Variants in GABRG3 observed in about 807,000 individuals in gnomAD.
GABRG3 encodes gamma-aminobutyric acid receptor subunit gamma-3.
In GABRG3, 25 loss-of-function variants were observed where a neutral mutation model predicts 48.8. The observed-to-expected ratio is 0.51, with a 90% CI of 0.37 to 0.72. The LOEUF is 0.72. GABRG3 is among the 30% of genes least tolerant of loss of function. GABRG3 has a pLI of 0.00. For missense variants in GABRG3, 394 were observed against 577.9 expected (o/e 0.68, Z 3.26); for synonymous variants, 227 against 217.6 (o/e 1.04, Z -0.38).
chr15:27,300,418 C>T (rs1406853446), intron 3 of GABRG3, among the ~76,000 whole-genome samples: 1 of 152,048 alleles, frequency 6.6e-6, no homozygotes, highest in Admixed American at 6.6e-5. Flanking sequence ...AATCCCAGAA[C>T]TTTGGGAAGC....
intron 3 of GABRG3, among the ~76,000 whole-genome samples, chr15:27,267,019 C>A (rs1215357225): frequency 6.6e-6 from 1 of 151,544 alleles, no homozygotes; most frequent in East Asian, 1.9e-4. Context: ...TTGGCTAGAA[C>A]CTTCAATATA....
chr15:27,006,624 C>T (rs915244772), intron 2 of GABRG3, among the ~76,000 whole-genome samples: 4 of 152,072 alleles, frequency 2.6e-5, no homozygotes, highest in South Asian at 2.1e-4. Flanking sequence ...GCATAGTAAC[C>T]GATAGGTAGT....
chr15:26,988,895 T>G (rs1385938865), intron 2 of GABRG3, among the ~76,000 whole-genome samples: 1 of 152,184 alleles, frequency 6.6e-6, no homozygotes, highest in Admixed American at 6.5e-5. Flanking sequence ...ATTTTGCCTG[T>G]GTGAAAACAT....
rs1224170527 is a variant in GABRG3, at chr15:27,533,825, A to T, written c.*944A>T. ...ACCGGAATGTGAAAGACATGTAGAT[A>T]AAATTTTATTTTTATTTTATTTTTT... On this transcript the variant is annotated 3_prime_UTR_variant, in exon 10 of 10. Transcript: ENST00000615808. 3.3e-5 allele frequency: 5 copies of T among 152,122 alleles called. No homozygotes were observed. Among genetic ancestry groups the T allele is most frequent in the African/African-American group, 9.7e-5 (4 of 41,432 alleles). 9.4% of individuals were successfully genotyped at this position (152,122 alleles called of 1,614,324 possible).
intron 6 of GABRG3, among the ~76,000 whole-genome samples, chr15:27,510,515 C>T (rs1221106811): frequency 6.6e-6 from 1 of 152,208 alleles, no homozygotes; most frequent in Non-Finnish European, 1.5e-5. Flanking sequence ...GGAGTTCTCA[C>T]AATGAGTTCT....
intron 5 of GABRG3, chr15:27,350,025 T>C: frequency 4.5e-6 from 2 of 447,082 alleles, no homozygotes; most frequent in South Asian, 3.1e-5. Context: ...GCCAAAAGAT[T>C]ACCAGGTTAG....
chr15:27,399,863 C>T lies in GABRG3; in HGVS notation c.574+70975C>T, dbSNP rs1453228138. Among the ~76,000 whole-genome samples, 14 of 152,226 alleles carry T rather than the reference C, an allele frequency of 9.2e-5. No individual in the cohort carries two copies. The South Asian group carries it at 2.7e-3, about 29-fold the overall frequency. ...GGCGTTGAATCAGAAGTTAAATACC[C>T]GCATTTTACTAAGATGCTCTTTCGA... On this transcript the variant is annotated intron_variant, in intron 5 of 9. Coordinates refer to ENST00000615808, the MANE Select transcript of GABRG3 (RefSeq NM_033223.5).
At chr15:27,274,870 AT>A (rs1357024359) in intron 3 of GABRG3, among the ~76,000 whole-genome samples, 1 of 152,242 alleles carries the variant, frequency 6.6e-6, no homozygotes, top group Non-Finnish European at 1.5e-5. Context: ...TAAAAAATAA[AT>A]TAGTCTTAAG....
At chr15:27,132,988 T>TA (rs913348415) in intron 3 of GABRG3, among the ~76,000 whole-genome samples, 4 of 151,262 alleles carry the variant, frequency 2.6e-5, no homozygotes, top group African/African-American at 7.2e-5. Flanking sequence ...TAATTTTTTT[T>TA]ATGTGGTCTT....
At chr15:27,028,469 C>T (rs1288406255) in intron 3 of GABRG3, among the ~76,000 whole-genome samples, 1 of 152,100 alleles carries the variant, frequency 6.6e-6, no homozygotes, top group Non-Finnish European at 1.5e-5. Context: ...ACTGTGAAAA[C>T]CTTTTCCCAT....
intron 2 of GABRG3, among the ~76,000 whole-genome samples, chr15:27,004,131 C>G (rs914270006): frequency 3.6e-4 from 53 of 149,138 alleles, no homozygotes; most frequent in African/African-American, 1.3e-3. Flanking sequence ...GGGGGCTGAC[C>G]CCCCCACCTC....
chr15:27,470,015 T>C (rs1889736538), intron 5 of GABRG3, among the ~76,000 whole-genome samples: 1 of 152,202 alleles, frequency 6.6e-6, no homozygotes, highest in Non-Finnish European at 1.5e-5. Context: ...TCTAATTATA[T>C]CATTCCTCCT....
chr15:27,337,808 A>T (rs951773196), intron 5 of GABRG3, among the ~76,000 whole-genome samples: 12 of 152,230 alleles, frequency 7.9e-5, no homozygotes, highest in African/African-American at 2.4e-4. Context: ...CTATGCAAAT[A>T]TGCATGTATT....
At chr15:27,222,868 C>T (rs889000345) in intron 3 of GABRG3, among the ~76,000 whole-genome samples, 16 of 152,208 alleles carry the variant, frequency 1.1e-4, no homozygotes, top group African/African-American at 3.9e-4. Flanking sequence ...ACAGAGTGGC[C>T]ATGCCTTAAT....
chr15:27,513,794 A>G (rs1389702586), intron 6 of GABRG3, among the ~76,000 whole-genome samples: 1 of 152,216 alleles, frequency 6.6e-6, no homozygotes, highest in African/African-American at 2.4e-5. Flanking sequence ...CAAATCAGGA[A>G]GAAAGAAAAA....
At chr15:27,325,963 A>G (rs1194542395) in intron 3 of GABRG3, among the ~76,000 whole-genome samples, 1 of 152,212 alleles carries the variant, frequency 6.6e-6, no homozygotes, top group Middle Eastern at 3.2e-3. Context: ...ATCAGCCTCT[A>G]CATCCTTCTT....
intron 3 of GABRG3, among the ~76,000 whole-genome samples, chr15:27,281,326 C>CTGCTATTT (rs563127019): frequency 1.4e-3 from 212 of 152,136 alleles, no homozygotes; most frequent in African/African-American, 4.7e-3. Context: ...GCTATTTTAT[C>CTGCTATTT]ACTTGTTTTT....
At chr15:27,136,692 G>T (rs1379852979) in intron 3 of GABRG3, among the ~76,000 whole-genome samples, 1 of 152,078 alleles carries the variant, frequency 6.6e-6, no homozygotes, top group Non-Finnish European at 1.5e-5. Flanking sequence ...TCCCAATTAT[G>T]TTATCTTGGA....
At chr15:27,125,993 T>C (rs1043516135) in intron 3 of GABRG3, among the ~76,000 whole-genome samples, 39 of 152,368 alleles carry the variant, frequency 2.6e-4, no homozygotes, top group Non-Finnish European at 4.4e-4. Flanking sequence ...AACTGCCTTA[T>C]GCATGCAACT....
Sources: allele counts gnomAD v4.1 joint callset (sites outside exome capture counted in the v4.1 genomes callset), GRCh38; gene constraint gnomAD v4.1.1; transcripts MANE v1.5; gene names NCBI Gene and HGNC (gene_info 2026-07-23, HGNC 2026-07-21).